MSRA: variants seen among roughly 807,000 people sequenced by gnomAD.
MSRA encodes methionine sulfoxide reductase A, also known as mitochondrial peptide methionine sulfoxide reductase.
Under a neutral mutation model 31.3 loss-of-function variants are expected in MSRA, and 54 were observed. The observed-to-expected ratio is 1.73, with a 90% CI of 1.39 to 2.17. The LOEUF (loss-of-function observed/expected upper bound fraction) is 2.17, where lower values mean the gene tolerates loss of function less well. MSRA is among the 30% of genes most tolerant of loss of function. The probability of loss-of-function intolerance (pLI) is 0.00; values close to 1 mark genes in which losing one functional copy is unlikely to be tolerated. For synonymous variants in MSRA, 169 were observed against 116.5 expected (o/e 1.45, Z -2.90); for missense variants, 507 against 300.9 (o/e 1.69, Z -5.07).
intron 5 of MSRA, among the ~76,000 whole-genome samples, chr8:10,393,243 T>C (rs1230754471): frequency 6.6e-6 from 1 of 152,052 alleles, no homozygotes; most frequent in Admixed American, 6.5e-5. Flanking sequence ...CCATTCTGCT[T>C]TCAGAGTGGA....
At chr8:10,117,260 G>C (rs1048818204) in intron 1 of MSRA, among the ~76,000 whole-genome samples, 4 of 152,178 alleles carry the variant, frequency 2.6e-5, no homozygotes, top group Admixed American at 6.5e-5. Flanking sequence ...TGGAACATGG[G>C]ATGGGGGAGG....
intron 2 of MSRA, among the ~76,000 whole-genome samples, chr8:10,217,038 A>T (rs1810054107): frequency 6.6e-6 from 1 of 152,254 alleles, no homozygotes; most frequent in Admixed American, 6.5e-5. Context: ...CAAGGGTTCC[A>T]ATTTCTCTGT....
intron 1 of MSRA, among the ~76,000 whole-genome samples, chr8:10,205,776 A>G (rs765319502): frequency 1.6e-4 from 24 of 152,158 alleles, no homozygotes; most frequent in South Asian, 1.0e-3. Flanking sequence ...TCACATAAAT[A>G]TTCATATTTT....
chr8:10,134,793 T>G (rs919767119), intron 1 of MSRA, among the ~76,000 whole-genome samples: 7 of 152,202 alleles, frequency 4.6e-5, no homozygotes, highest in African/African-American at 1.4e-4. Flanking sequence ...AAGTATATCT[T>G]TAAGTCTTTG....
intron 1 of MSRA, among the ~76,000 whole-genome samples, chr8:10,190,314 C>G (rs924412681): frequency 3.3e-5 from 5 of 152,186 alleles, no homozygotes; most frequent in East Asian, 3.9e-4. Flanking sequence ...CCACAGGGCA[C>G]CAGAGCCCCT....
chr8:10,182,030 C>A (rs1026398503), intron 1 of MSRA, among the ~76,000 whole-genome samples: 1 of 152,018 alleles, frequency 6.6e-6, no homozygotes, highest in East Asian at 1.9e-4. Context: ...GGATATAGTT[C>A]TCTTGGTACA....
intron 5 of MSRA, among the ~76,000 whole-genome samples, chr8:10,324,801 A>G (rs1325167027): frequency 1.3e-5 from 2 of 152,204 alleles, no homozygotes; most frequent in East Asian, 3.9e-4. Flanking sequence ...TGCCACTGGT[A>G]ACTGGTTGTT....
At chr8:10,371,702 G>A (rs928668917) in intron 5 of MSRA, among the ~76,000 whole-genome samples, 3 of 152,086 alleles carry the variant, frequency 2.0e-5, no homozygotes, top group African/African-American at 7.2e-5. Context: ...GTACCTCTGT[G>A]CCTGCCTTCT....
intron 1 of MSRA, among the ~76,000 whole-genome samples, chr8:10,135,191 A>G (rs1018059821): frequency 3.4e-4 from 52 of 152,238 alleles, no homozygotes; most frequent in African/African-American, 1.1e-3. Context: ...AAAGTCCTAT[A>G]TAAGCAATAC....
At chr8:10,329,536 G>A (rs2129143194) in intron 5 of MSRA, among the ~76,000 whole-genome samples, 1 of 152,330 alleles carries the variant, frequency 6.6e-6, no homozygotes, top group African/African-American at 2.4e-5. Context: ...AGTTACATCT[G>A]TGAAATCTGT....
intron 1 of MSRA, among the ~76,000 whole-genome samples, chr8:10,091,333 G>C (rs1044527094): frequency 1.3e-5 from 2 of 152,138 alleles, no homozygotes; most frequent in African/African-American, 4.8e-5. Context: ...ATACATTATA[G>C]AATAGCTAAA....
At chr8:10,424,893 C>T (rs988037500) in intron 5 of MSRA, among the ~76,000 whole-genome samples, 1 of 152,186 alleles carries the variant, frequency 6.6e-6, no homozygotes, top group African/African-American at 2.4e-5. Context: ...CCGCACACAG[C>T]GGGGCCCACC....
intron 5 of MSRA, among the ~76,000 whole-genome samples, chr8:10,397,758 G>A (rs1293707106): frequency 1.3e-5 from 2 of 152,182 alleles, no homozygotes; most frequent in Non-Finnish European, 2.9e-5. Flanking sequence ...GATGTTGTTG[G>A]AATATTCAAT....
rs146631071 is a variant in MSRA at position 10,280,791 on chromosome 8, G to A, written c.332-20743G>A. On this transcript the variant is annotated intron_variant, in intron 3 of 5. Coordinates refer to ENST00000317173, the MANE Select transcript of MSRA (RefSeq NM_012331.5). Reference sequence around the variant, plus strand: ...GGAAACAACCCAAACGCGCATCAGCGTGTGAATGGGTAAATAAAATAAGGT... The same window carrying A: ...GGAAACAACCCAAACGCGCATCAGCATGTGAATGGGTAAATAAAATAAGGT... 8.3e-3 allele frequency among the ~76,000 whole-genome samples: 1,261 copies of A among 152,318 alleles called. 16 individuals are homozygous for A. The highest frequency in any genetic ancestry group is 0.026 in the African/African-American group (1,080 of 41,568).
At chr8:10,090,663 C>G (rs897968923) in intron 1 of MSRA, among the ~76,000 whole-genome samples, 1 of 152,140 alleles carries the variant, frequency 6.6e-6, no homozygotes, top group African/African-American at 2.4e-5. Flanking sequence ...AAAAGGAAAC[C>G]CCATAGTCAT....
rs564591495 is a variant in MSRA, at chr8:10,424,418, A to G, written c.544-3730A>G. On this transcript the variant is annotated intron_variant, in intron 5 of 5. Coordinates refer to ENST00000317173, the MANE Select transcript of MSRA (RefSeq NM_012331.5). ...AGAGAAGGACCCGGAATGGAATAGG[A>G]TCGGGGAGAAGGGCCTGGGGTGGAG... Among the ~76,000 whole-genome samples the G allele has an allele frequency of 9.0e-5, 13 of 145,016 alleles. No individual in the cohort carries two copies. The East Asian group carries it at 2.7e-3, about 30-fold the overall frequency.
chr8:10,419,234 A>G (rs914069327), intron 5 of MSRA, among the ~76,000 whole-genome samples: 2 of 152,114 alleles, frequency 1.3e-5, no homozygotes, highest in Non-Finnish European at 2.9e-5. Flanking sequence ...AACACTCGGC[A>G]TCCTGGGGGC....
intron 1 of MSRA, among the ~76,000 whole-genome samples, chr8:10,186,275 C>T (rs994564302): frequency 2.6e-5 from 4 of 152,098 alleles, no homozygotes; most frequent in African/African-American, 4.8e-5. Flanking sequence ...CTATAAAGGG[C>T]CAGATGGTAA....
At chr8:10,414,599 A>G (rs1365956352) in intron 5 of MSRA, among the ~76,000 whole-genome samples, 1 of 152,210 alleles carries the variant, frequency 6.6e-6, no homozygotes, top group African/African-American at 2.4e-5. Flanking sequence ...GTGAATGAGA[A>G]GCGGTGACAT....
Sources: gnomAD v4.1 joint callset for allele counts (sites outside exome capture counted in the v4.1 genomes callset) on GRCh38, gnomAD v4.1.1 for gene constraint, MANE v1.5 for transcripts, NCBI Gene and HGNC (gene_info 2026-07-23, HGNC 2026-07-21) for gene names.